The following ZNF608 variants were observed in gnomAD, a reference collection of about 807,000 sequenced individuals.
ZNF608 encodes the protein renal carcinoma antigen NY-REN-36.
In ZNF608, 12 loss-of-function variants were observed where a neutral mutation model predicts 109.0. That is an observed-to-expected ratio of 0.11 (90% CI 0.07 to 0.18). The LOEUF is 0.18. ZNF608 is among the 10% of genes least tolerant of loss of function. The probability of loss-of-function intolerance (pLI) is 1.00; values close to 1 mark genes in which losing one functional copy is unlikely to be tolerated. For synonymous variants in ZNF608, 732 were observed against 717.4 expected (o/e 1.02, Z -0.33); for missense variants, 1,707 against 1,879.3 (o/e 0.91, Z 1.70).
At position 124,643,608 on chromosome 5, in the gene ZNF608, T is replaced by C. The variant is rs779028484; in HGVS notation, c.4199A>G (p.Asn1400Ser). The change falls in exon 7 of 10, where the codon AAT (asparagine) becomes AGT (serine). Residue 1400 changes from asparagine (N) to serine (S), a missense_variant. By Grantham distance (46) the Asn-to-Ser change is conservative (BLOSUM62 1). Transcript: ENST00000513986. ...TTTCGTGTTGACGCTAGGGCTGGTA[T>C]TGACTTTCTCTGTCTCTTCTCTCCC... ...MSGREETEKV[N>S]TSPSVNTKTT... The C allele has an allele frequency of 1.2e-6, 2 of 1,614,236 alleles. No homozygotes were observed. Among genetic ancestry groups the C allele is most frequent in the South Asian group, 2.2e-5 (2 of 91,086 alleles).
At chr5:124,738,421 G>C (rs1285474814) in intron 2 of ZNF608, among the ~76,000 whole-genome samples, 1 of 152,182 alleles carries the variant, frequency 6.6e-6, no homozygotes, top group Non-Finnish European at 1.5e-5. Flanking sequence ...TGTTCAGATT[G>C]CTGGCAAGTT....
At chr5:124,664,937 A>T (rs1459404599) in intron 3 of ZNF608, among the ~76,000 whole-genome samples, 1 of 152,108 alleles carries the variant, frequency 6.6e-6, no homozygotes, top group Non-Finnish European at 1.5e-5. Flanking sequence ...GCACTTTGGG[A>T]GGCTGAGGTG....
At chr5:124,684,046 T>C (rs2149828944) in intron 3 of ZNF608, among the ~76,000 whole-genome samples, 1 of 152,368 alleles carries the variant, frequency 6.6e-6, no homozygotes, top group East Asian at 1.9e-4. Flanking sequence ...TAATAAATGA[T>C]GTGAGTAAAC....
chr5:124,688,443 G>C (rs2149834151), intron 3 of ZNF608, among the ~76,000 whole-genome samples: 1 of 152,292 alleles, frequency 6.6e-6, no homozygotes, highest in African/African-American at 2.4e-5. Context: ...CTATACATTT[G>C]ACTTACAACT....
chr5:124,691,540 A>C (rs1752632195), intron 3 of ZNF608, among the ~76,000 whole-genome samples: 1 of 152,244 alleles, frequency 6.6e-6, no homozygotes, highest in Non-Finnish European at 1.5e-5. Flanking sequence ...TCCCATGTTC[A>C]TCACAGCATT....
chr5:124,731,718 C>A (rs971984893), intron 2 of ZNF608, among the ~76,000 whole-genome samples: 24 of 151,774 alleles, frequency 1.6e-4, no homozygotes, highest in Non-Finnish European at 7.4e-5. Flanking sequence ...CCCAGATACT[C>A]GGGAGGCTGA....
At chr5:124,709,557 G>A (rs1381024081) in intron 2 of ZNF608, among the ~76,000 whole-genome samples, 1 of 152,190 alleles carries the variant, frequency 6.6e-6, no homozygotes, top group African/African-American at 2.4e-5. Context: ...AGCAGACACA[G>A]GGACTCTTTT....
intron 3 of ZNF608, among the ~76,000 whole-genome samples, chr5:124,694,461 G>C (rs185422618): frequency 2.8e-4 from 43 of 152,032 alleles, no homozygotes; most frequent in Non-Finnish European, 4.9e-4. Flanking sequence ...TCACTATTTG[G>C]GTTGCCTTTT....
intron 4 of ZNF608, 60 bp downstream of exon 4, chr5:124,649,550 C>T: frequency 7.3e-7 from 1 of 1,363,250 alleles, no homozygotes; most frequent in South Asian, 1.2e-5. Context: ...GAATCTCTCT[C>T]TACAGTTTCC....
chr5:124,646,438 T>TCTGCAAAG (rs1297163628), intron 5 of ZNF608, among the ~76,000 whole-genome samples: 3 of 152,176 alleles, frequency 2.0e-5, no homozygotes, highest in Non-Finnish European at 2.9e-5. Flanking sequence ...GAAACACAAA[T>TCTGCAAAG]CTGCAAAGCA....
intron 2 of ZNF608, among the ~76,000 whole-genome samples, chr5:124,706,664 G>T (rs1033252301): frequency 6.6e-6 from 1 of 152,080 alleles, no homozygotes; most frequent in Non-Finnish European, 1.5e-5. Context: ...CTGTCATCTT[G>T]ATAGGACACT....
intron 3 of ZNF608, among the ~76,000 whole-genome samples, chr5:124,675,919 G>C (rs1180834516): frequency 6.6e-6 from 1 of 152,208 alleles, no homozygotes; most frequent in Non-Finnish European, 1.5e-5. Context: ...TAATAGGAGA[G>C]AGACTATTTT....
intron 2 of ZNF608, among the ~76,000 whole-genome samples, chr5:124,719,269 C>T (rs143968922): frequency 9.7e-4 from 147 of 152,314 alleles, no homozygotes; most frequent in African/African-American, 3.3e-3. Flanking sequence ...TCAGTGATGT[C>T]TGTATTTAAC....
intron 3 of ZNF608, among the ~76,000 whole-genome samples, chr5:124,656,977 G>C (rs1751040317): frequency 6.6e-6 from 1 of 152,046 alleles, no homozygotes; most frequent in South Asian, 2.1e-4. Context: ...GTATTGATTT[G>C]GGAAAATCAT....
chr5:124,735,353 G>A (rs1749097911), intron 2 of ZNF608, among the ~76,000 whole-genome samples: 1 of 119,056 alleles, frequency 8.4e-6, no homozygotes, highest in South Asian at 2.4e-4. Flanking sequence ...CTGGCGGGAA[G>A]AAGGGCGCGT....
At position 124,704,423 on chromosome 5, in the gene ZNF608, CG is replaced by C. The variant is rs578071254; in HGVS notation, c.907-3155del. 3.4e-3 allele frequency among the ~76,000 whole-genome samples: 516 copies of C among 152,108 alleles called. 3 individuals are homozygous for C. The highest frequency in any genetic ancestry group is 0.01 in the Middle Eastern group (3 of 294). On this transcript the variant is annotated intron_variant, in intron 2 of 9. Transcript: ENST00000513986. ...TTTCTCCCCATTCACTGTGAGATGT[CG>C]GGATTGGGGAGGAGGTGGAGCACAA...
chr5:124,737,362 T>C (rs762499884), intron 2 of ZNF608, among the ~76,000 whole-genome samples: 2 of 152,202 alleles, frequency 1.3e-5, no homozygotes, highest in Non-Finnish European at 2.9e-5. Flanking sequence ...GTTGGAATAG[T>C]CACAGTGAAT....
chr5:124,709,571 C>T (rs1054469598), intron 2 of ZNF608, among the ~76,000 whole-genome samples: 7 of 152,184 alleles, frequency 4.6e-5, no homozygotes, highest in African/African-American at 1.7e-4. Context: ...CTCTTTTCTA[C>T]CACACCACAT....
intron 3 of ZNF608, among the ~76,000 whole-genome samples, chr5:124,694,142 ATTTTTT>A (rs11320730): frequency 6.6e-4 from 42 of 63,936 alleles, no homozygotes; most frequent in African/African-American, 1.2e-3. Context: ...CGCTCGGCTA[ATTTTTT>A]TTTTTTTTTT....
Sources: allele counts gnomAD v4.1 joint callset (sites outside exome capture counted in the v4.1 genomes callset), GRCh38; gene constraint gnomAD v4.1.1; transcripts MANE v1.5; gene names NCBI Gene and HGNC (gene_info 2026-07-23, HGNC 2026-07-21).